COG4: variants seen among roughly 807,000 people sequenced by gnomAD.
COG4 encodes the protein conserved oligomeric Golgi complex subunit 4.
Under a neutral mutation model 95.1 loss-of-function variants are expected in COG4, and 65 were observed. The observed-to-expected ratio is 0.68, with a 90% CI of 0.56 to 0.84. The LOEUF is 0.84. Among genes scored for constraint, COG4 ranks in the 40% least tolerant of loss-of-function variants. The pLI is 0.00. For synonymous variants in COG4, 421 were observed against 374.8 expected (o/e 1.12, Z -1.42); for missense variants, 1,045 against 989.1 (o/e 1.06, Z -0.76).
chr16:70,481,716 C>T lies in COG4; in HGVS notation c.2106+48G>A, dbSNP rs762064093. ...TGGGGGTGGTGGCATGACATGTCTT[C>T]CTCAGAGGAGAAACGAGAGCCGCAG... On this transcript the variant is annotated intron_variant, in intron 17 of 18. Coordinates refer to ENST00000323786, the MANE Select transcript of COG4 (RefSeq NM_015386.3). 5 of 1,529,914 alleles carry T rather than the reference C, an allele frequency of 3.3e-6. No individual in the cohort carries two copies. The Admixed American group carries it at 8.5e-5, about 26-fold the overall frequency. The allele number at this position is 1,529,914 out of a possible 1,614,324, so 94.8% of individuals were successfully genotyped here. A position where few individuals can be genotyped will look rare whatever the true frequency, so the allele number is the denominator to read the frequency against.
Position 70,511,443 on chromosome 16 carries a change from G to A in COG4, c.738+796C>T, listed in dbSNP as rs970369562. Among the ~76,000 whole-genome samples, 5 of 152,080 alleles carry A rather than the reference G, an allele frequency of 3.3e-5. 1 individual carries two copies. The highest frequency in any genetic ancestry group is 6.6e-5 in the Admixed American group (1 of 15,256). On this transcript the variant is annotated intron_variant, in intron 5 of 18. Transcript: ENST00000323786. ...ACACACAGACATATAGCTAAAAAAC[G>A]GCCAGGTGGGGTGGTAGTCCCAGGA...
At chr16:70,495,228 TAAAAAAAAA>T (rs531628464) in intron 12 of COG4, among the ~76,000 whole-genome samples, 1 of 118,832 alleles carries the variant, frequency 8.4e-6, no homozygotes, top group African/African-American at 3.1e-5. Flanking sequence ...CAGTCTTTAC[TAAAAAAAAA>T]AAAAAAAAAA....
intron 10 of COG4, 68 bp downstream of exon 10, chr16:70,497,869 G>A: frequency 1.1e-6 from 1 of 901,100 alleles, no homozygotes; most frequent in South Asian, 1.3e-5. Context: ...ACATGCCTCA[G>A]CCATTTCCCT....
chr16:70,482,591 G>C, intron 15 of COG4, 138 bp downstream of exon 15: 1 of 736,700 alleles, frequency 1.4e-6, no homozygotes. Flanking sequence ...GAGGAACCTA[G>C]TCTTCATGGG....
At chr16:70,510,058 A>T in intron 5 of COG4, 37 bp from the exon 6 acceptor site, 1 of 1,546,030 alleles carries the variant, frequency 6.5e-7, no homozygotes, top group Non-Finnish European at 8.9e-7. Context: ...TTCCTCAGAA[A>T]GGTCACCCTC....
At position 70,480,902 on chromosome 16, in the gene COG4, G is replaced by T; in HGVS notation, c.*108C>A. The T allele has an allele frequency of 7.5e-7, 1 of 1,334,324 alleles. No homozygotes were observed. Among genetic ancestry groups the T allele is most frequent in the South Asian group, 1.2e-5 (1 of 84,778 alleles). 82.7% of individuals were successfully genotyped at this position (1,334,324 alleles called of 1,614,324 possible). ...CTGCTGCCAGCCGTAGAAAGGTCTG[G>T]GCTGTCAGATCTCCCCCAAGCCAGA... is the stretch of plus-strand genomic sequence containing the variant. On this transcript the variant is annotated 3_prime_UTR_variant, in exon 19 of 19. Coordinates refer to ENST00000323786, the MANE Select transcript of COG4 (RefSeq NM_015386.3).
At chr16:70,523,009 A>C in intron 1 of COG4, 1 of 283,872 alleles carries the variant, frequency 3.5e-6, no homozygotes, top group Admixed American at 4.9e-5. Flanking sequence ...GCGTTTCATA[A>C]TTTGTAAATT....
chr16:70,504,193 C>A (rs1396108059), intron 8 of COG4, among the ~76,000 whole-genome samples: 1 of 152,100 alleles, frequency 6.6e-6, no homozygotes, highest in Non-Finnish European at 1.5e-5. Context: ...CGATTTTATT[C>A]CCAGCTCCCC....
Position 70,514,052 on chromosome 16 carries a change from C to T in COG4, c.544+283G>A, listed in dbSNP as rs1212763986. On this transcript the variant is annotated intron_variant, in intron 4 of 18. Transcript: ENST00000323786. ...TGAAACCCCATCTCTACTAAAAATA[C>T]AAAAAACATTAGTGAGGTGTGGTGG... Among the ~76,000 whole-genome samples, 27 of 151,928 alleles carry T rather than the reference C, an allele frequency of 1.8e-4. 1 individual carries two copies. Among genetic ancestry groups the T allele is most frequent in the Admixed American group, 1.8e-3 (27 of 15,228 alleles).
chr16:70,521,404 G>T (rs1183019640), intron 1 of COG4, among the ~76,000 whole-genome samples: 1 of 151,810 alleles, frequency 6.6e-6, no homozygotes, highest in African/African-American at 2.4e-5. Context: ...TTTTAGTAGA[G>T]ACTAACATGG....
chr16:70,499,692 G>A (rs949593120), intron 9 of COG4, among the ~76,000 whole-genome samples: 5 of 152,028 alleles, frequency 3.3e-5, no homozygotes, highest in African/African-American at 9.7e-5. Flanking sequence ...ACAGAGTCTC[G>A]CTTGTCGCCC....
At chr16:70,506,680 G>C (rs543460484) in intron 8 of COG4, among the ~76,000 whole-genome samples, 1 of 149,130 alleles carries the variant, frequency 6.7e-6, no homozygotes, top group South Asian at 2.1e-4. Context: ...GAGCTACTCG[G>C]GAGGCTGAGG....
intron 3 of COG4, 25 bp downstream of exon 3, chr16:70,517,601 A>AAT (rs2049849711): frequency 7.9e-7 from 1 of 1,262,144 alleles, no homozygotes. Flanking sequence ...AAAAAAAAAA[A>AAT]AAAAAAAAAA....
chr16:70,485,744 C>G (rs1347563392), intron 13 of COG4, among the ~76,000 whole-genome samples: 1 of 151,076 alleles, frequency 6.6e-6, no homozygotes, highest in African/African-American at 2.4e-5. Flanking sequence ...CACCATCATG[C>G]CCAGCTAATT....
chr16:70,515,939 G>C (rs2049813346), intron 3 of COG4: 1 of 454,314 alleles, frequency 2.2e-6, no homozygotes, highest in Non-Finnish European at 4.4e-6. Flanking sequence ...AAAGTGTTAG[G>C]ATTGCAGGCA....
intron 17 of COG4, 34 bp downstream of exon 17, chr16:70,481,730 C>G (rs377724802): frequency 1.3e-6 from 2 of 1,571,724 alleles, no homozygotes; most frequent in Non-Finnish European, 8.8e-7. Context: ...AGAGGAGAAA[C>G]GAGAGCCGCA....
chr16:70,495,306 A>G (rs1046953423), intron 12 of COG4, among the ~76,000 whole-genome samples: 2 of 151,136 alleles, frequency 1.3e-5, no homozygotes, highest in Non-Finnish European at 1.5e-5. Flanking sequence ...CTAAAGCAGG[A>G]GAATCGCTTG....
chr16:70,495,397 C>CAAAAAAAAAAAAAAAAAAAAAAAA lies in COG4; in HGVS notation c.1647+868_1647+869insTTTTTTTTTTTTTTTTTTTTTTTT, dbSNP rs11382671. Among the ~76,000 whole-genome samples, 15 of 111,304 alleles carry CAAAAAAAAAAAAAAAAAAAAAAAA rather than the reference C, an allele frequency of 1.3e-4. 2 individuals are homozygous for CAAAAAAAAAAAAAAAAAAAAAAAA. The highest frequency in any genetic ancestry group is 5.3e-4 in the African/African-American group (15 of 28,342). 73.0% of individuals were successfully genotyped at this position (111,304 alleles called of 152,430 possible). A position where few individuals can be genotyped will look rare whatever the true frequency, so the allele number is the denominator to read the frequency against. On this transcript the variant is annotated intron_variant, in intron 12 of 18. Coordinates refer to ENST00000323786, the MANE Select transcript of COG4 (RefSeq NM_015386.3). ...GGGGAACAAGAGCAAGACTCCATCT[C>CAAAAAAAAAAAAAAAAAAAAAAAA]AAAAAAAAAAAAAAAAGAATCTGAT...
At chr16:70,501,254 T>G in intron 8 of COG4, 163 bp from the exon 9 acceptor site, 1 of 684,988 alleles carries the variant, frequency 1.5e-6, no homozygotes, top group South Asian at 1.7e-5. Flanking sequence ...GAATCAGAGA[T>G]AGCTGTCAAT....
Sources: allele counts gnomAD v4.1 joint callset (sites outside exome capture counted in the v4.1 genomes callset), GRCh38; gene constraint gnomAD v4.1.1; transcripts MANE v1.5; gene names NCBI Gene and HGNC (gene_info 2026-07-23, HGNC 2026-07-21).